Variants in CWC27 observed in about 807,000 individuals in gnomAD.
CWC27 encodes spliceosome-associated protein CWC27 homolog.
Under a neutral mutation model 63.6 loss-of-function variants are expected in CWC27, and 47 were observed. That is an observed-to-expected ratio of 0.74 (90% confidence interval 0.58 to 0.94). The LOEUF (loss-of-function observed/expected upper bound fraction) is 0.94. CWC27 is among the 40% of genes least tolerant of loss of function. The pLI, the probability that CWC27 is intolerant of heterozygous loss-of-function variation, is 0.00. For synonymous variants in CWC27, 175 were observed against 179.8 expected, an observed-to-expected ratio of 0.97 and a Z score of 0.22; for missense variants, 495 against 554.3, an observed-to-expected ratio of 0.89 and a Z score of 1.07.
In CWC27 at chr5:64,954,637, C is replaced by CATATAGAAAGCACTATATATATATAT. The variant is rs1217459281; in HGVS notation, c.1043-17062_1043-17037dup. ...CTAAAGCACTTAGCAGGCTGCCTGGCATATAGAAAGCACTATATATATATA... is the reference window on the plus strand; with the variant it reads ...CTAAAGCACTTAGCAGGCTGCCTGGCATATAGAAAGCACTATATATATATATATATAGAAAGCACTATATATATATA... On this transcript the variant is annotated intron_variant, in intron 11 of 13. Transcript: ENST00000381070. Among the ~76,000 whole-genome samples the CATATAGAAAGCACTATATATATATAT allele has an allele frequency of 8.5e-5, 10 of 117,682 alleles. No homozygotes were observed. The South Asian group carries it at 2.8e-3, about 32-fold the overall frequency. 77.2% of individuals were successfully genotyped at this position (117,682 alleles called of 152,430 possible).
intron 6 of CWC27, 30 bp downstream of exon 6, chr5:64,786,657 C>T: frequency 1.5e-6 from 2 of 1,327,756 alleles, no homozygotes; most frequent in Non-Finnish European, 2.1e-6. Flanking sequence ...TTTTCTTCAG[C>T]TTGAAAAATG....
At chr5:64,774,917 G>A (rs1220730433) in intron 2 of CWC27, 130 bp downstream of exon 2, 18 of 534,674 alleles carry the variant, frequency 3.4e-5, no homozygotes, top group South Asian at 2.3e-4. Context: ...TGAGGATATG[G>A]TATTGAGCTG....
At chr5:64,825,167 T>C (rs1439645990) in intron 10 of CWC27, among the ~76,000 whole-genome samples, 1 of 152,138 alleles carries the variant, frequency 6.6e-6, no homozygotes, top group African/African-American at 2.4e-5. Context: ...AAATCAGGTG[T>C]GTCAAATTTT....
chr5:65,009,983 A>G (rs748765194), intron 13 of CWC27, among the ~76,000 whole-genome samples: 2 of 152,058 alleles, frequency 1.3e-5, no homozygotes, highest in Non-Finnish European at 2.9e-5. Context: ...GCACATTACC[A>G]CCCCTCTCCA....
At chr5:64,854,437 T>A (rs952911173) in intron 10 of CWC27, among the ~76,000 whole-genome samples, 1 of 152,236 alleles carries the variant, frequency 6.6e-6, no homozygotes, top group African/African-American at 2.4e-5. Context: ...TTTCTCTACA[T>A]CCTTACCACC....
At chr5:64,835,390 T>C (rs1359132296) in intron 10 of CWC27, among the ~76,000 whole-genome samples, 1 of 151,834 alleles carries the variant, frequency 6.6e-6, no homozygotes, top group East Asian at 1.9e-4. Context: ...ATAAAGCAAA[T>C]GTAATCCTGG....
intron 2 of CWC27, among the ~76,000 whole-genome samples, chr5:64,777,482 G>C (rs751518949): frequency 1.3e-5 from 2 of 152,076 alleles, no homozygotes; most frequent in Non-Finnish European, 2.9e-5. Context: ...ACTTTAAAGT[G>C]CAAGTATAAA....
At chr5:64,852,633 C>T (rs1746162096) in intron 10 of CWC27, among the ~76,000 whole-genome samples, 1 of 152,034 alleles carries the variant, frequency 6.6e-6, no homozygotes, top group Admixed American at 6.6e-5. Flanking sequence ...CACCATGCCC[C>T]AGCTAATTTT....
chr5:64,770,351 C>A (rs1743206724), intron 1 of CWC27, among the ~76,000 whole-genome samples: 1 of 152,146 alleles, frequency 6.6e-6, no homozygotes, highest in African/African-American at 2.4e-5. Context: ...CCTACCTCCT[C>A]CTATTTCCAA....
In CWC27 at chr5:64,971,735, G is replaced by A. The variant is rs140490454; in HGVS notation, c.1075G>A (p.Glu359Lys). 2.3e-4 allele frequency: 378 copies of A among 1,610,000 alleles called. 1 individual carries two copies. The highest frequency in any genetic ancestry group is 9.0e-4 in the South Asian group (81 of 90,340). The stretch of plus-strand genomic sequence containing the variant: ...AGCCCCTCCAGATGGTGCTGTTGCC[G>A]AATACAGAAGAGAAAAGCAAAAGTA... ...EEAPPDGAVAEYRREKQKYEA... is the reference protein window; with the variant it reads ...EEAPPDGAVAKYRREKQKYEA... The change falls in exon 12 of 14, where the codon GAA becomes AAA. Residue 359 changes from glutamate to lysine, a missense_variant. This residue lies in a region of CWC27 where 463 missense variants were observed against 498.1 expected (regional missense o/e 0.93). Coordinates refer to ENST00000381070, the MANE Select transcript of CWC27 (RefSeq NM_005869.4).
intron 11 of CWC27, among the ~76,000 whole-genome samples, 192 bp downstream of exon 11, chr5:64,885,738 T>TG (rs60595588): frequency 0.029 from 4,130 of 141,420 alleles, 127 homozygotes; most frequent in African/African-American, 0.084. Flanking sequence ...TGTGTGTGTG[T>TG]TTTTAATACT....
intron 11 of CWC27, among the ~76,000 whole-genome samples, chr5:64,968,328 A>G (rs1263454064): frequency 6.6e-6 from 1 of 152,140 alleles, no homozygotes; most frequent in Non-Finnish European, 1.5e-5. Context: ...GTATGGCAGT[A>G]TCATATAAAA....
intron 12 of CWC27, among the ~76,000 whole-genome samples, chr5:64,973,553 A>G (rs1006343592): frequency 6.6e-6 from 1 of 152,242 alleles, no homozygotes; most frequent in South Asian, 2.1e-4. Context: ...GCAGATGCCA[A>G]TCAAAATGCC....
chr5:64,954,800 A>G (rs1748776395), intron 11 of CWC27, among the ~76,000 whole-genome samples: 1 of 151,498 alleles, frequency 6.6e-6, no homozygotes, highest in African/African-American at 2.4e-5. Context: ...ATATGTATGT[A>G]TGTTAGTTAT....
chr5:64,897,065 T>G (rs987645345), intron 11 of CWC27, among the ~76,000 whole-genome samples: 4 of 151,946 alleles, frequency 2.6e-5, no homozygotes, highest in Non-Finnish European at 5.9e-5. Context: ...ACAAAAAAAT[T>G]AGCCAGGTGT....
chr5:64,989,726 G>A (rs370647853), intron 13 of CWC27, among the ~76,000 whole-genome samples: 4 of 152,306 alleles, frequency 2.6e-5, no homozygotes, highest in African/African-American at 9.6e-5. Flanking sequence ...GGAGACTCAG[G>A]ATGGCAGAGA....
intron 11 of CWC27, among the ~76,000 whole-genome samples, chr5:64,928,785 G>A (rs1427533486): frequency 6.6e-6 from 1 of 152,108 alleles, no homozygotes; most frequent in African/African-American, 2.4e-5. Flanking sequence ...AAATTAACAA[G>A]CATGGAAAGG....
intron 10 of CWC27, among the ~76,000 whole-genome samples, chr5:64,880,853 C>CTTTTTTTTTTTTTTTTTTT (rs571051416): frequency 7.3e-6 from 1 of 136,080 alleles, no homozygotes. Flanking sequence ...TTATAAAAGC[C>CTTTTTTTTTTTTTTTTTTT]ATTTTTTTTT....
chr5:64,952,359 A>G (rs1748725079), intron 11 of CWC27, among the ~76,000 whole-genome samples: 1 of 152,144 alleles, frequency 6.6e-6, no homozygotes, highest in African/African-American at 2.4e-5. Context: ...TAAAATATAA[A>G]TAGCATTCTG....
Sources: gnomAD v4.1 joint callset for allele counts (sites outside exome capture counted in the v4.1 genomes callset) on GRCh38, gnomAD v4.1.1 for gene constraint, gnomAD v4.1.1 regional missense constraint, MANE v1.5 for transcripts, NCBI Gene and HGNC (gene_info 2026-07-23, HGNC 2026-07-21) for gene names.